Variants in SHANK2 observed in about 807,000 individuals in gnomAD.
SHANK2 encodes the protein SH3 and multiple ankyrin repeat domains protein 2.
Under a neutral mutation model 133.7 loss-of-function variants are expected in SHANK2, and 43 were observed. The observed-to-expected ratio is 0.32, with a 90% CI of 0.25 to 0.41. The LOEUF (loss-of-function observed/expected upper bound fraction) is 0.41, where lower values mean the gene tolerates loss of function less well. Ranked by LOEUF, SHANK2 falls within the 10% of genes least tolerant of loss-of-function variation. The probability of loss-of-function intolerance (pLI) is 1.00; values close to 1 mark genes in which losing one functional copy is unlikely to be tolerated. For missense variants in SHANK2, 1,994 were observed against 2,235.8 expected (o/e 0.89, Z 2.18); for synonymous variants, 1,017 against 952.8 (o/e 1.07, Z -1.24).
At chr11:70,878,119 C>T (rs1310225140) in intron 11 of SHANK2, among the ~76,000 whole-genome samples, 1 of 152,212 alleles carries the variant, frequency 6.6e-6, no homozygotes, top group East Asian at 1.9e-4. Flanking sequence ...AGGAAGGTGT[C>T]GCCTTTATGG....
At chr11:70,925,054 T>C (rs1426310803) in intron 10 of SHANK2, among the ~76,000 whole-genome samples, 1 of 152,030 alleles carries the variant, frequency 6.6e-6, no homozygotes, top group African/African-American at 2.4e-5. Context: ...GGTCAGGAAA[T>C]AGACAAAGCC....
intron 3 of SHANK2, among the ~76,000 whole-genome samples, chr11:71,133,423 TGGAG>T (rs113265989): frequency 0.041 from 3,496 of 85,636 alleles, 184 homozygotes; most frequent in Middle Eastern, 0.074. Context: ...GATGGACAGA[TGGAG>T]GGAGGGAGGG....
chr11:70,917,445 T>G (rs1173176683), intron 10 of SHANK2, among the ~76,000 whole-genome samples: 1 of 152,208 alleles, frequency 6.6e-6, no homozygotes, highest in Non-Finnish European at 1.5e-5. Context: ...AAAGACAGTG[T>G]GGAGATTCTT....
In SHANK2 at chr11:71,102,453, C is replaced by T. The variant is rs537898273; in HGVS notation, c.592+7488G>A. On this transcript the variant is annotated intron_variant, in intron 6 of 25. Transcript: ENST00000601538. Reference sequence around the variant, plus strand: ...CCCATGTCCAGCCCCAAAACAGGGACGCGGGGCCCAGGTCTGCAGGGCCCG... The same window carrying T: ...CCCATGTCCAGCCCCAAAACAGGGATGCGGGGCCCAGGTCTGCAGGGCCCG... 1.2e-3 allele frequency among the ~76,000 whole-genome samples: 186 copies of T among 152,254 alleles called. 1 individual carries two copies. Among genetic ancestry groups the T allele is most frequent in the African/African-American group, 3.9e-3 (161 of 41,554 alleles).
At chr11:70,764,330 T>C (rs1947068136) in intron 14 of SHANK2, among the ~76,000 whole-genome samples, 1 of 147,040 alleles carries the variant, frequency 6.8e-6, no homozygotes, top group Non-Finnish European at 1.5e-5. Flanking sequence ...CCTCCTTCTA[T>C]CCATCTATAC....
intron 7 of SHANK2, among the ~76,000 whole-genome samples, chr11:71,093,609 A>G (rs543056455): frequency 2.0e-4 from 30 of 152,242 alleles, no homozygotes; most frequent in African/African-American, 7.0e-4. Flanking sequence ...GGTCACAGGA[A>G]CTGCCTGCTC....
At chr11:70,532,392 A>T (rs1408941577) in intron 17 of SHANK2, among the ~76,000 whole-genome samples, 1 of 152,120 alleles carries the variant, frequency 6.6e-6, no homozygotes, top group African/African-American at 2.4e-5. Flanking sequence ...GCCTGCCTAG[A>T]GTGGGGGGCC....
intron 10 of SHANK2, among the ~76,000 whole-genome samples, chr11:70,945,440 T>C (rs928135407): frequency 3.3e-5 from 5 of 152,194 alleles, no homozygotes; most frequent in Admixed American, 6.5e-5. Flanking sequence ...TACGGCCTCA[T>C]GTGGAAGGGC....
At chr11:70,821,488 C>T (rs984460093) in intron 11 of SHANK2, among the ~76,000 whole-genome samples, 5 of 152,162 alleles carry the variant, frequency 3.3e-5, no homozygotes, top group Non-Finnish European at 7.4e-5. Context: ...TGCAGTGGCA[C>T]GACCTCGGCT....
chr11:70,570,242 CCT>C (rs2060029481), intron 17 of SHANK2, among the ~76,000 whole-genome samples: 2 of 152,204 alleles, frequency 1.3e-5, no homozygotes, highest in Admixed American at 1.3e-4. Context: ...GAAGCCCTTC[CCT>C]CTTTTAGATC....
intron 3 of SHANK2, among the ~76,000 whole-genome samples, chr11:71,141,285 G>A (rs1169383715): frequency 1.3e-5 from 2 of 152,012 alleles, no homozygotes; most frequent in Admixed American, 1.3e-4. Flanking sequence ...CTGAGGTCAG[G>A]CGTTCGAGAC....
At chr11:71,119,840 A>G (rs1952051120) in intron 3 of SHANK2, among the ~76,000 whole-genome samples, 1 of 152,166 alleles carries the variant, frequency 6.6e-6, no homozygotes, top group South Asian at 2.1e-4. Flanking sequence ...ATTCAGAGCC[A>G]CAGCCCGCGC....
intron 17 of SHANK2, among the ~76,000 whole-genome samples, chr11:70,640,037 C>T (rs1805645364): frequency 1.3e-5 from 2 of 152,214 alleles, no homozygotes; most frequent in African/African-American, 4.8e-5. Context: ...GCAGAACGTG[C>T]AGGTGCAGCT....
intron 17 of SHANK2, among the ~76,000 whole-genome samples, chr11:70,618,183 A>G (rs2060779900): frequency 1.3e-5 from 2 of 151,468 alleles, no homozygotes; most frequent in South Asian, 4.2e-4. Flanking sequence ...AATCCCAGCT[A>G]CTCAGGAGGC....
At chr11:70,576,114 G>A (rs1346799117) in intron 17 of SHANK2, among the ~76,000 whole-genome samples, 2 of 152,110 alleles carry the variant, frequency 1.3e-5, no homozygotes, top group African/African-American at 4.8e-5. Context: ...CTTGGAATCT[G>A]AGCACCAGGC....
intron 17 of SHANK2, among the ~76,000 whole-genome samples, chr11:70,524,730 C>T (rs1423240259): frequency 6.6e-6 from 1 of 152,188 alleles, no homozygotes; most frequent in Admixed American, 6.5e-5. Flanking sequence ...GCCTTCTATG[C>T]AAAGAAGGGT....
chr11:70,611,020 C>T lies in SHANK2; in HGVS notation c.2061+48808G>A, dbSNP rs536451504. Among the ~76,000 whole-genome samples, 13 of 152,308 alleles carry T rather than the reference C, an allele frequency of 8.5e-5. No individual in the cohort carries two copies. In the East Asian group the frequency reaches 9.6e-4, roughly 11 times the overall value. ...AATGATGCACCCTGATCCCTTTGAA[C>T]GTCCAGAAAAAGGCTGAACCTAGAG... On this transcript the variant is annotated intron_variant, in intron 17 of 25. Transcript: ENST00000601538.
chr11:70,829,930 G>C (rs1391332605), intron 11 of SHANK2, among the ~76,000 whole-genome samples: 2 of 152,134 alleles, frequency 1.3e-5, no homozygotes, highest in Non-Finnish European at 2.9e-5. Flanking sequence ...CTGGCCATGT[G>C]GTAGGCTCTC....
chr11:70,814,497 CCA>C (rs1172319234), intron 12 of SHANK2, among the ~76,000 whole-genome samples: 1 of 152,200 alleles, frequency 6.6e-6, no homozygotes, highest in Non-Finnish European at 1.5e-5. Flanking sequence ...TCTGCGGGCC[CCA>C]CTCCAGCAGT....
Sources: allele counts gnomAD v4.1 joint callset (sites outside exome capture counted in the v4.1 genomes callset), GRCh38; gene constraint gnomAD v4.1.1; transcripts MANE v1.5; gene names NCBI Gene and HGNC (gene_info 2026-07-23, HGNC 2026-07-21).